The following NUBPL variants were observed in gnomAD, a reference collection of about 807,000 sequenced individuals.
The protein encoded by NUBPL is iron-sulfur cluster transfer protein NUBPL.
Under a neutral mutation model 45.7 loss-of-function variants are expected in NUBPL, and 31 were observed. That is an observed-to-expected ratio of 0.68 (90% CI 0.51 to 0.92). The LOEUF (loss-of-function observed/expected upper bound fraction) is 0.92. Among genes scored for constraint, NUBPL ranks in the 40% least tolerant of loss-of-function variants. The pLI, the probability that NUBPL is intolerant of heterozygous loss-of-function variation, is 0.00. For missense variants in NUBPL, 401 were observed against 398.7 expected (o/e 1.01, Z -0.05); for synonymous variants, 144 against 140.9 (o/e 1.02, Z -0.15).
At chr14:31,683,641 G>A (rs979512866) in intron 6 of NUBPL, among the ~76,000 whole-genome samples, 8 of 152,010 alleles carry the variant, frequency 5.3e-5, no homozygotes, top group Admixed American at 1.3e-4. Context: ...GTGAGCCACC[G>A]CGCCCGGCTG....
chr14:31,817,055 T>C (rs148230841), intron 7 of NUBPL, among the ~76,000 whole-genome samples: 2,315 of 151,918 alleles, frequency 0.015, 26 homozygotes, highest in Non-Finnish European at 0.021. Flanking sequence ...AGTATCCTAA[T>C]TGATCAAGCA....
chr14:31,767,271 C>G (rs370842516), intron 6 of NUBPL, among the ~76,000 whole-genome samples: 1 of 152,150 alleles, frequency 6.6e-6, no homozygotes, highest in Non-Finnish European at 1.5e-5. Flanking sequence ...GGCGCGATCT[C>G]GGCTCACTGC....
At chr14:31,834,313 T>C (rs921425379) in intron 8 of NUBPL, among the ~76,000 whole-genome samples, 1 of 151,522 alleles carries the variant, frequency 6.6e-6, no homozygotes, top group African/African-American at 2.4e-5. Flanking sequence ...CCTGAGTAGC[T>C]GGGACTACAG....
At chr14:31,724,804 G>GTA (rs2037884332) in intron 6 of NUBPL, among the ~76,000 whole-genome samples, 2 of 152,118 alleles carry the variant, frequency 1.3e-5, no homozygotes, top group African/African-American at 4.8e-5. Context: ...AAACCGTATA[G>GTA]TATAACATTG....
At chr14:31,692,215 T>A (rs1356054637) in intron 6 of NUBPL, among the ~76,000 whole-genome samples, 1 of 152,234 alleles carries the variant, frequency 6.6e-6, no homozygotes, top group Non-Finnish European at 1.5e-5. Flanking sequence ...CTAATACATT[T>A]CACTCAATGA....
At chr14:31,645,479 A>G (rs2035822705) in intron 4 of NUBPL, among the ~76,000 whole-genome samples, 1 of 152,198 alleles carries the variant, frequency 6.6e-6, no homozygotes, top group South Asian at 2.1e-4. Context: ...GTTTTCATTG[A>G]TAAGTAAAGA....
chr14:31,831,451 G>GCTATA (rs56249604), intron 8 of NUBPL, among the ~76,000 whole-genome samples: 45,058 of 133,964 alleles, frequency 0.34, 7,724 homozygotes, highest in South Asian at 0.46. Context: ...AGCATACTAT[G>GCTATA]CTATACTATA....
At chr14:31,737,914 T>G (rs1483956604) in intron 6 of NUBPL, among the ~76,000 whole-genome samples, 1 of 152,216 alleles carries the variant, frequency 6.6e-6, no homozygotes, top group Non-Finnish European at 1.5e-5. Flanking sequence ...TGAATTTTTT[T>G]GTTTTATTTA....
At chr14:31,702,264 G>A (rs2037357351) in intron 6 of NUBPL, among the ~76,000 whole-genome samples, 2 of 152,156 alleles carry the variant, frequency 1.3e-5, no homozygotes, top group Admixed American at 1.3e-4. Context: ...GTGTAGCATT[G>A]CCAACCAGGG....
intron 4 of NUBPL, among the ~76,000 whole-genome samples, chr14:31,672,766 A>G (rs2036601431): frequency 6.6e-6 from 1 of 152,210 alleles, no homozygotes; most frequent in Admixed American, 6.5e-5. Context: ...CATATTTAAA[A>G]TTGTATTTGA....
chr14:31,681,066 C>A (rs1420375181), intron 6 of NUBPL, among the ~76,000 whole-genome samples: 1 of 151,796 alleles, frequency 6.6e-6, no homozygotes, highest in Non-Finnish European at 1.5e-5. Context: ...TTAGCCTGGC[C>A]TCAAAAAGTA....
chr14:31,703,166 TG>T (rs1447970446), intron 6 of NUBPL: 1 of 152,260 alleles, frequency 6.6e-6, no homozygotes, highest in African/African-American at 2.4e-5. Flanking sequence ...GAAAGGAAAG[TG>T]CATTTGGAAG....
intron 4 of NUBPL, among the ~76,000 whole-genome samples, chr14:31,611,833 C>A (rs1390960550): frequency 6.6e-6 from 1 of 152,180 alleles, no homozygotes; most frequent in African/African-American, 2.4e-5. Context: ...AAGATGGTCT[C>A]TTTAATAAAT....
chr14:31,858,205 T>C lies in NUBPL; in HGVS notation c.898-913T>C, dbSNP rs148076759. Among the ~76,000 whole-genome samples, 842 of 152,272 alleles carry C rather than the reference T, an allele frequency of 5.5e-3. 6 individuals are homozygous for C. The highest frequency in any genetic ancestry group is 0.019 in the African/African-American group (785 of 41,540). On this transcript the variant is annotated intron_variant, in intron 10 of 10. Coordinates refer to ENST00000281081, the MANE Select transcript of NUBPL (RefSeq NM_025152.3). ...AAGCTATCAGATCTCATGAGACTTA[T>C]TATCACAAGACCAGCATGGGAAAGA... is the stretch of plus-strand genomic sequence containing the variant.
intron 6 of NUBPL, among the ~76,000 whole-genome samples, chr14:31,746,033 C>G (rs1283519754): frequency 6.6e-6 from 1 of 152,030 alleles, no homozygotes; most frequent in Non-Finnish European, 1.5e-5. Context: ...TCACCCCGCT[C>G]AGCTGAAATT....
At chr14:31,580,906 G>C (rs2033844883) in intron 3 of NUBPL, among the ~76,000 whole-genome samples, 1 of 152,224 alleles carries the variant, frequency 6.6e-6, no homozygotes, top group Non-Finnish European at 1.5e-5. Context: ...ATAAGCCGTG[G>C]TGGAAATTTG....
chr14:31,611,581 A>G (rs2034759720), intron 4 of NUBPL, among the ~76,000 whole-genome samples: 2 of 152,216 alleles, frequency 1.3e-5, no homozygotes, highest in Non-Finnish European at 1.5e-5. Context: ...TCTACTATTT[A>G]TATGGAACCA....
intron 6 of NUBPL, among the ~76,000 whole-genome samples, chr14:31,778,786 G>A (rs1217144513): frequency 6.6e-6 from 1 of 152,208 alleles, no homozygotes; most frequent in Non-Finnish European, 1.5e-5. Context: ...CTCAGCAATG[G>A]GAAGTGGCCC....
intron 6 of NUBPL, among the ~76,000 whole-genome samples, chr14:31,731,008 A>G (rs993802102): frequency 6.6e-6 from 1 of 152,210 alleles, no homozygotes; most frequent in Non-Finnish European, 1.5e-5. Context: ...AAAATGATAC[A>G]CTGGAATTGT....
Sources: allele counts gnomAD v4.1 joint callset (sites outside exome capture counted in the v4.1 genomes callset), GRCh38; gene constraint gnomAD v4.1.1; transcripts MANE v1.5; gene names NCBI Gene and HGNC (gene_info 2026-07-23, HGNC 2026-07-21).